IGF1R: variants seen among roughly 807,000 people sequenced by gnomAD.
The protein encoded by IGF1R is insulin-like growth factor 1 receptor.
A neutral mutation model predicts 144.6 loss-of-function variants in IGF1R; 44 were observed. The ratio of observed to expected loss-of-function variants is 0.30; its 90% CI spans 0.24 to 0.39. IGF1R has a LOEUF of 0.39. Among genes scored for constraint, IGF1R ranks in the 10% least tolerant of loss-of-function variants. The pLI, the probability that IGF1R is intolerant of heterozygous loss-of-function variation, is 1.00. For missense variants in IGF1R, 1,355 were observed against 1,833.7 expected, an observed-to-expected ratio of 0.74 and a Z score of 4.77; for synonymous variants, 795 against 722.8, an observed-to-expected ratio of 1.10 and a Z score of -1.60.
chr15:98,891,749 C>A lies in IGF1R; in HGVS notation c.953+112C>A. ...ATCCGGGTGCAGCCCTCAGGAAGTT[C>A]ACTGAGGTGGGTCATTTTGAGAGGG... On this transcript the variant is annotated intron_variant, in intron 3 of 20. Transcript: ENST00000650285. The surrounding 1 kb of genome is among the most constrained non-coding windows in gnomAD (Gnocchi z 4.7). 9.6e-7 allele frequency: 1 copy of A among 1,044,062 alleles called. No homozygotes were observed. The highest frequency in any genetic ancestry group is 1.4e-6 in the Non-Finnish European group (1 of 702,872). The allele number at this position is 1,044,062 out of a possible 1,614,324, so 64.7% of individuals were successfully genotyped here.
chr15:98,840,665 G>GTTTTTT, intron 2 of IGF1R, among the ~76,000 whole-genome samples: 1 of 142,958 alleles, frequency 7.0e-6, no homozygotes, highest in African/African-American at 2.6e-5. Context: ...CGGGGTTTTT[G>GTTTTTT]TTTTTTGTTT....
chr15:98,837,030 C>T (rs2011103692), intron 2 of IGF1R, among the ~76,000 whole-genome samples: 1 of 152,190 alleles, frequency 6.6e-6, no homozygotes. Context: ...CGCATTGTTA[C>T]TGATATCTTA....
At chr15:98,755,764 C>T (rs1294741321) in intron 2 of IGF1R, among the ~76,000 whole-genome samples, 6 of 85,456 alleles carry the variant, frequency 7.0e-5, no homozygotes, top group Admixed American at 1.6e-4. Flanking sequence ...GGCATTACTG[C>T]CTTGTTCCTG....
intron 1 of IGF1R, among the ~76,000 whole-genome samples, chr15:98,677,298 C>CTACCTGTACTA (rs1175252237): frequency 1.3e-5 from 2 of 152,148 alleles, no homozygotes; most frequent in East Asian, 1.9e-4. Flanking sequence ...ATTTTCTGTA[C>CTACCTGTACTA]TTATCTTGTA....
intron 2 of IGF1R, among the ~76,000 whole-genome samples, chr15:98,749,593 A>C (rs554142586): frequency 6.6e-6 from 1 of 152,282 alleles, no homozygotes; most frequent in Non-Finnish European, 1.5e-5. Context: ...AATGGTTACA[A>C]ATTGTTTGTG....
In IGF1R at chr15:98,667,032, C is replaced by T. The variant is rs1448005084; in HGVS notation, c.94+17357C>T. On this transcript the variant is annotated intron_variant, in intron 1 of 20. Transcript: ENST00000650285. ...ATGGCGGTCCTAGGTACCACGGGAT[C>T]ACTGCGGGGGAACTGTGAGGTCAGG... 2.6e-5 allele frequency among the ~76,000 whole-genome samples: 4 copies of T among 152,004 alleles called. No individual in the cohort carries two copies. The South Asian group carries it at 6.2e-4, about 24-fold the overall frequency.
At chr15:98,848,103 G>T (rs1216852443) in intron 2 of IGF1R, among the ~76,000 whole-genome samples, 1 of 152,212 alleles carries the variant, frequency 6.6e-6, no homozygotes, top group Non-Finnish European at 1.5e-5. Flanking sequence ...ACACTCTGGA[G>T]CTGGACAGCA....
chr15:98,650,467 G>T (rs2052332098), intron 1 of IGF1R, among the ~76,000 whole-genome samples: 1 of 152,236 alleles, frequency 6.6e-6, no homozygotes, highest in African/African-American at 2.4e-5. Flanking sequence ...GCGCCACTGG[G>T]TCCCCAGTTC....
At chr15:98,734,755 T>A (rs1259032481) in intron 2 of IGF1R, 1 of 152,244 alleles carries the variant, frequency 6.6e-6, no homozygotes, top group Non-Finnish European at 1.5e-5. Flanking sequence ...ATTCATGTGG[T>A]GACTTCCTAT....
intron 1 of IGF1R, among the ~76,000 whole-genome samples, chr15:98,681,875 C>G (rs984342221): frequency 1.1e-4 from 17 of 152,114 alleles, no homozygotes; most frequent in African/African-American, 4.1e-4. Context: ...GAGATGGTCA[C>G]TCTTCAGGAT....
intron 2 of IGF1R, among the ~76,000 whole-genome samples, chr15:98,771,082 G>A (rs2055571514): frequency 6.6e-6 from 1 of 152,158 alleles, no homozygotes; most frequent in Non-Finnish European, 1.5e-5. Flanking sequence ...GAGTTGGATT[G>A]TTGTTGTATG....
intron 2 of IGF1R, among the ~76,000 whole-genome samples, chr15:98,850,751 G>T (rs566368244): frequency 1.5e-4 from 23 of 152,246 alleles, no homozygotes; most frequent in South Asian, 6.2e-4. Flanking sequence ...TTGGTGGGGG[G>T]GGGTACCATG....
rs974427862 is a variant in IGF1R at position 98,961,214 on chromosome 15, C to G, written c.*3772C>G. 7 of 233,564 alleles carry G rather than the reference C, an allele frequency of 3.0e-5. No homozygotes were observed. Among genetic ancestry groups the G allele is most frequent in the African/African-American group, 1.5e-4 (7 of 45,346 alleles). 14.5% of individuals were successfully genotyped at this position (233,564 alleles called of 1,614,324 possible). A position where few individuals can be genotyped will look rare whatever the true frequency, so the allele number is the denominator to read the frequency against. Reference sequence around the variant, plus strand: ...AGGTGACCCCTTGGAATAACGGCCTCTCCTCTCGTGCACATACCTACCGGT... The same window carrying G: ...AGGTGACCCCTTGGAATAACGGCCTGTCCTCTCGTGCACATACCTACCGGT... On this transcript the variant is annotated 3_prime_UTR_variant, in exon 21 of 21. Coordinates refer to ENST00000650285, the MANE Select transcript of IGF1R (RefSeq NM_000875.5).
intron 2 of IGF1R, among the ~76,000 whole-genome samples, chr15:98,746,749 G>A (rs75578686): frequency 6.6e-6 from 1 of 152,110 alleles, no homozygotes; most frequent in Admixed American, 6.5e-5. Context: ...TGCTTGTTTG[G>A]TTGTTGTGTT....
chr15:98,670,446 G>A (rs1420379662), intron 1 of IGF1R, among the ~76,000 whole-genome samples: 1 of 152,110 alleles, frequency 6.6e-6, no homozygotes, highest in African/African-American at 2.4e-5. Context: ...GGCAAATCAG[G>A]GATGGTTTTC....
chr15:98,815,659 G>T (rs550721484), intron 2 of IGF1R, among the ~76,000 whole-genome samples: 1 of 152,312 alleles, frequency 6.6e-6, no homozygotes, highest in East Asian at 1.9e-4. Flanking sequence ...TCAGTGCGTA[G>T]GATAGGGTCC....
At chr15:98,673,179 T>G (rs1304590921) in intron 1 of IGF1R, among the ~76,000 whole-genome samples, 1 of 152,174 alleles carries the variant, frequency 6.6e-6, no homozygotes, top group Admixed American at 6.5e-5. Context: ...GGGATTATTG[T>G]AGGGTCCTTT....
At chr15:98,894,280 A>G (rs1280888160) in intron 3 of IGF1R, among the ~76,000 whole-genome samples, 1 of 152,202 alleles carries the variant, frequency 6.6e-6, no homozygotes, top group African/African-American at 2.4e-5. Flanking sequence ...GAGAAACTAA[A>G]CATACACTTA....
intron 2 of IGF1R, among the ~76,000 whole-genome samples, chr15:98,879,784 A>G (rs1202261390): frequency 6.6e-6 from 1 of 152,210 alleles, no homozygotes; most frequent in African/African-American, 2.4e-5. Flanking sequence ...AAATTTATGA[A>G]TGAAAATAAA....
Sources: gnomAD v4.1 joint callset for allele counts (sites outside exome capture counted in the v4.1 genomes callset) on GRCh38, gnomAD v4.1.1 for gene constraint, Gnocchi (gnomAD v3.1) non-coding constraint, MANE v1.5 for transcripts, NCBI Gene and HGNC (gene_info 2026-07-23, HGNC 2026-07-21) for gene names.